ZSWIM5: variants seen among roughly 807,000 people sequenced by gnomAD.
ZSWIM5 encodes zinc finger SWIM-type containing 5.
Under a neutral mutation model 119.6 loss-of-function variants are expected in ZSWIM5, and 55 were observed. The ratio of observed to expected loss-of-function variants is 0.46; its 90% confidence interval spans 0.37 to 0.58. The LOEUF is 0.58. Among genes scored for constraint, ZSWIM5 ranks in the 20% least tolerant of loss-of-function variants. ZSWIM5 has a pLI of 0.00. For synonymous variants in ZSWIM5, 537 were observed against 606.9 expected (o/e 0.88, Z 1.69); for missense variants, 1,193 against 1,512.8 (o/e 0.79, Z 3.51).
intron 1 of ZSWIM5, among the ~76,000 whole-genome samples, chr1:45,128,391 G>T (rs1433057527): frequency 6.6e-6 from 1 of 152,060 alleles, no homozygotes; most frequent in Non-Finnish European, 1.5e-5. Flanking sequence ...TAGAGACAGG[G>T]TCTCATTATG....
chr1:45,078,557 A>G (rs1158602447), intron 2 of ZSWIM5, among the ~76,000 whole-genome samples: 13 of 152,152 alleles, frequency 8.5e-5, no homozygotes, highest in Admixed American at 7.9e-4. Flanking sequence ...AGCTACCTGG[A>G]GCTGGTAGTG....
At chr1:45,161,375 G>GAA (rs1645863013) in intron 1 of ZSWIM5, among the ~76,000 whole-genome samples, 1 of 152,094 alleles carries the variant, frequency 6.6e-6, no homozygotes, top group African/African-American at 2.4e-5. Flanking sequence ...CCCATTATTA[G>GAA]TGTGTAAGAG....
intron 1 of ZSWIM5, among the ~76,000 whole-genome samples, chr1:45,106,191 CCGG>C (rs1645475747): frequency 7.3e-6 from 1 of 137,256 alleles, no homozygotes; most frequent in Admixed American, 7.5e-5. Flanking sequence ...GCGCCTCTGC[CCGG>C]CCGCCCCCTC....
intron 1 of ZSWIM5, among the ~76,000 whole-genome samples, chr1:45,117,417 A>G (rs1337255971): frequency 2.0e-5 from 3 of 152,224 alleles, no homozygotes; most frequent in Admixed American, 1.3e-4. Flanking sequence ...GCTCACACCT[A>G]TAATCCCAGA....
chr1:45,020,175 G>T, intron 12 of ZSWIM5, 28 bp from the exon 13 acceptor site: 1 of 1,599,414 alleles, frequency 6.3e-7, no homozygotes, highest in South Asian at 1.1e-5. Flanking sequence ...CTTTCCAGTG[G>T]GCTATGCCTA....
At chr1:45,102,472 A>G (rs1246374641) in intron 1 of ZSWIM5, among the ~76,000 whole-genome samples, 1 of 152,192 alleles carries the variant, frequency 6.6e-6, no homozygotes, top group East Asian at 1.9e-4. Context: ...CATCAGTCAT[A>G]TCTCCATTAT....
At chr1:45,090,610 C>T (rs1304966936) in intron 1 of ZSWIM5, among the ~76,000 whole-genome samples, 1 of 151,502 alleles carries the variant, frequency 6.6e-6, no homozygotes, top group Admixed American at 6.6e-5. Context: ...AAATTTGTGA[C>T]CTGACTGCAC....
intron 1 of ZSWIM5, among the ~76,000 whole-genome samples, chr1:45,127,189 G>A (rs1445152319): frequency 1.3e-5 from 2 of 151,936 alleles, no homozygotes; most frequent in Non-Finnish European, 2.9e-5. Flanking sequence ...TTCAGTCCAG[G>A]GCTGCAAAGC....
In ZSWIM5 at chr1:45,051,096, G is replaced by A; in HGVS notation, c.1410C>T (p.Pro470=). The A allele has an allele frequency of 6.2e-7, 1 of 1,613,770 alleles. No individual in the cohort carries two copies. The highest frequency in any genetic ancestry group is 8.5e-7 in the Non-Finnish European group (1 of 1,179,930). Reference sequence around the variant, plus strand: ...CACCTGGGCTGTGAATGGCACTCTGGGGAAGTGCATTGGTGATGTTGGGCA... The same window carrying A: ...CACCTGGGCTGTGAATGGCACTCTGAGGAAGTGCATTGGTGATGTTGGGCA... ...HELPNITNAL[P]QSAIHSPDSL... is the part of the protein sequence containing the mutation. Residue 470 remains proline, a synonymous_variant, in exon 5 of 14, where the codon CCC becomes CCT. Transcript: ENST00000359600.
intron 1 of ZSWIM5, among the ~76,000 whole-genome samples, chr1:45,096,535 A>AACACACACACGC (rs1553194018): frequency 1.0e-4 from 14 of 140,520 alleles, no homozygotes; most frequent in African/African-American, 3.2e-4. Flanking sequence ...TGGCCCTATC[A>AACACACACACGC]ACACACACAC....
chr1:45,163,981 T>C (rs548247505), intron 1 of ZSWIM5, among the ~76,000 whole-genome samples: 2 of 152,232 alleles, frequency 1.3e-5, no homozygotes, highest in South Asian at 2.1e-4. Flanking sequence ...GCCACAAAGA[T>C]AGTCCTCCAG....
intron 12 of ZSWIM5, 78 bp from the exon 13 acceptor site, chr1:45,020,225 G>T: frequency 8.4e-7 from 1 of 1,192,856 alleles, no homozygotes; most frequent in South Asian, 1.2e-5. Flanking sequence ...TCATTTATGC[G>T]ACAAATATTT....
At chr1:45,055,142 C>T (rs1316400688) in intron 4 of ZSWIM5, among the ~76,000 whole-genome samples, 1 of 152,214 alleles carries the variant, frequency 6.6e-6, no homozygotes, top group East Asian at 1.9e-4. Context: ...AGGCGCCCAC[C>T]ACCATGCCTG....
Position 45,194,346 on chromosome 1 carries a change from T to C in ZSWIM5, c.595+11410A>G, listed in dbSNP as rs72684483. 9.2e-3 allele frequency among the ~76,000 whole-genome samples: 1,395 copies of C among 152,314 alleles called. 21 individuals are homozygous for C. The highest frequency in any genetic ancestry group is 0.048 in the Middle Eastern group (14 of 294). On this transcript the variant is annotated intron_variant, in intron 1 of 13. Transcript: ENST00000359600. ...AAAGCTATTTTCCTGATTAGTTCCA[T>C]TGTATGTTTATACCTAAAAGAAGCA... is the stretch of plus-strand genomic sequence containing the variant.
intron 4 of ZSWIM5, among the ~76,000 whole-genome samples, chr1:45,058,221 T>C (rs3850855): frequency 0.66 from 99,995 of 152,070 alleles, 34,413 homozygotes; most frequent in East Asian, 0.88. Context: ...AGTCCAAGTA[T>C]TGGAAACTGC....
chr1:45,120,673 C>T (rs1056479079), intron 1 of ZSWIM5, among the ~76,000 whole-genome samples: 2 of 151,426 alleles, frequency 1.3e-5, no homozygotes, highest in African/African-American at 4.9e-5. Context: ...TGGGGGTCTC[C>T]CTATGTTGCC....
chr1:45,107,641 C>CAA lies in ZSWIM5; in HGVS notation c.596-19406_596-19405dup, dbSNP rs931372052. 2.7e-3 allele frequency among the ~76,000 whole-genome samples: 183 copies of CAA among 67,482 alleles called. 1 individual carries two copies. The highest frequency in any genetic ancestry group is 4.5e-3 in the African/African-American group (91 of 20,232). 44.3% of individuals were successfully genotyped at this position (67,482 alleles called of 152,430 possible). On this transcript the variant is annotated intron_variant, in intron 1 of 13. Transcript: ENST00000359600. ...TGGGCGACAGAGTGAGACTCTGTCT[C>CAA]AAAAAAAAAAAAAAAAAAAAAAATA...
intron 1 of ZSWIM5, among the ~76,000 whole-genome samples, chr1:45,129,114 C>A (rs1255940901): frequency 7.9e-6 from 1 of 125,986 alleles, no homozygotes; most frequent in African/African-American, 2.9e-5. Context: ...TCTTTGATTT[C>A]TTTCATCAGA....
intron 8 of ZSWIM5, among the ~76,000 whole-genome samples, chr1:45,037,643 T>C (rs1373784969): frequency 6.6e-6 from 1 of 152,220 alleles, no homozygotes; most frequent in South Asian, 2.1e-4. Flanking sequence ...TAAATGTCAC[T>C]GTACAGATGA....
Sources: allele counts gnomAD v4.1 joint callset (sites outside exome capture counted in the v4.1 genomes callset), GRCh38; gene constraint gnomAD v4.1.1; transcripts MANE v1.5; gene names NCBI Gene and HGNC (gene_info 2026-07-23, HGNC 2026-07-21).